Variants in SDK1 observed in about 807,000 individuals in gnomAD.
SDK1 encodes the protein protein sidekick-1.
SDK1 carries 157 observed loss-of-function variants against 245.5 expected under a neutral mutation model. The observed-to-expected ratio is 0.64, with a 90% CI of 0.56 to 0.73. The LOEUF is 0.73. SDK1 is among the 30% of genes least tolerant of loss of function. The probability of loss-of-function intolerance (pLI) is 0.00; values close to 1 mark genes in which losing one functional copy is unlikely to be tolerated. For missense variants in SDK1, 3,583 were observed against 3,002.3 expected (o/e 1.19, Z -4.52); for synonymous variants, 1,647 against 1,278.5 (o/e 1.29, Z -6.15).
chr7:3,494,372 A>G (rs1244270333), intron 1 of SDK1, among the ~76,000 whole-genome samples: 1 of 152,232 alleles, frequency 6.6e-6, no homozygotes, highest in East Asian at 1.9e-4. Flanking sequence ...GTCTTGGGAC[A>G]TTTAGGGTGG....
At chr7:3,335,370 AAAC>A (rs1562421793) in intron 1 of SDK1, among the ~76,000 whole-genome samples, 2 of 151,914 alleles carry the variant, frequency 1.3e-5, no homozygotes, top group Middle Eastern at 3.2e-3. Flanking sequence ...TCTCTATTTA[AAAC>A]AACTGCTTTA....
intron 1 of SDK1, among the ~76,000 whole-genome samples, chr7:3,491,198 G>C (rs541972411): frequency 6.6e-6 from 1 of 152,320 alleles, no homozygotes; most frequent in Non-Finnish European, 1.5e-5. Flanking sequence ...TCTACAGTTA[G>C]GTGCCCTCTA....
At chr7:3,538,399 TTTC>T (rs1237292702) in intron 1 of SDK1, among the ~76,000 whole-genome samples, 1 of 152,180 alleles carries the variant, frequency 6.6e-6, no homozygotes, top group Non-Finnish European at 1.5e-5. Flanking sequence ...CAGGTATAAA[TTTC>T]TTTTCATTAA....
chr7:3,365,985 G>C (rs1781079236), intron 1 of SDK1, among the ~76,000 whole-genome samples: 2 of 151,498 alleles, frequency 1.3e-5, no homozygotes, highest in South Asian at 4.2e-4. Context: ...GTTGCAATGA[G>C]CCGAGATTGT....
intron 1 of SDK1, among the ~76,000 whole-genome samples, chr7:3,453,801 A>G (rs765538133): frequency 9.9e-5 from 15 of 152,102 alleles, no homozygotes; most frequent in Non-Finnish European, 1.3e-4. Flanking sequence ...GGCTGGTCTC[A>G]AGCGATCCTC....
In SDK1 at chr7:3,429,926, G is replaced by A. The variant is rs148750879; in HGVS notation, c.298+128042G>A. 4.6e-3 allele frequency among the ~76,000 whole-genome samples: 698 copies of A among 152,308 alleles called. 1 individual carries two copies. Among genetic ancestry groups the A allele is most frequent in the Admixed American group, 7.3e-3 (111 of 15,306 alleles). ...TATGGAGACACATAGAGATGTGCAT[G>A]TAAAATAGGCCCAAAAGCCTATCCG... On this transcript the variant is annotated intron_variant, in intron 1 of 44. Transcript: ENST00000404826.
chr7:3,708,911 A>C (rs1342195586), intron 4 of SDK1, among the ~76,000 whole-genome samples: 3 of 152,216 alleles, frequency 2.0e-5, no homozygotes, highest in South Asian at 4.1e-4. Flanking sequence ...GTTAATATTT[A>C]AGTGAAGCAC....
intron 13 of SDK1, among the ~76,000 whole-genome samples, chr7:3,983,886 C>T (rs549089548): frequency 1.3e-5 from 2 of 152,206 alleles, no homozygotes; most frequent in Non-Finnish European, 2.9e-5. Context: ...CTTCGGGGGA[C>T]AGTCGCAGAG....
intron 41 of SDK1, among the ~76,000 whole-genome samples, chr7:4,236,012 A>C (rs996478875): frequency 6.6e-6 from 1 of 152,244 alleles, no homozygotes; most frequent in Non-Finnish European, 1.5e-5. Context: ...CGCAGCCCAC[A>C]AACCTACTTC....
intron 4 of SDK1, among the ~76,000 whole-genome samples, chr7:3,665,324 A>T (rs1783492418): frequency 6.6e-6 from 1 of 152,174 alleles, no homozygotes; most frequent in Non-Finnish European, 1.5e-5. Flanking sequence ...GTTTGAGCAG[A>T]TTCTGCAGGT....
chr7:4,217,010 C>G (rs1230982942), intron 38 of SDK1, among the ~76,000 whole-genome samples: 1 of 135,650 alleles, frequency 7.4e-6, no homozygotes, highest in African/African-American at 2.8e-5. Context: ...CCAGGCCACC[C>G]GGAGCACCAC....
chr7:3,680,933 C>A lies in SDK1; in HGVS notation c.713+38828C>A, dbSNP rs559747576. The stretch of plus-strand genomic sequence containing the variant: ...TCTTGGCTCACTGCAACCTCCACCT[C>A]CCGGGTTCAAGCGATTCTCCTGCCT... On this transcript the variant is annotated intron_variant, in intron 4 of 44. Transcript: ENST00000404826. 5.3e-5 allele frequency among the ~76,000 whole-genome samples: 8 copies of A among 152,260 alleles called. No individual in the cohort carries two copies. The South Asian group carries it at 1.7e-3, about 32-fold the overall frequency.
intron 1 of SDK1, among the ~76,000 whole-genome samples, chr7:3,377,124 C>A (rs1008191052): frequency 1.3e-5 from 2 of 152,080 alleles, no homozygotes; most frequent in African/African-American, 4.8e-5. Context: ...GGATTCTGTT[C>A]TGTAGTGGGT....
At position 4,085,348 on chromosome 7, in the gene SDK1, T is replaced by G. The variant is rs188131731; in HGVS notation, c.3324+5764T>G. On this transcript the variant is annotated intron_variant, in intron 22 of 44. Coordinates refer to ENST00000404826, the MANE Select transcript of SDK1 (RefSeq NM_152744.4). ...TACCATGGAAGTGTAATATATTCAG[T>G]TTATACCTACAGTTTATATTCAGTT... Among the ~76,000 whole-genome samples the G allele has an allele frequency of 2.0e-5, 3 of 152,352 alleles. No individual in the cohort carries two copies. The East Asian group carries it at 5.8e-4, about 29-fold the overall frequency.
chr7:3,453,332 G>A (rs1780576075), intron 1 of SDK1, among the ~76,000 whole-genome samples: 1 of 152,130 alleles, frequency 6.6e-6, no homozygotes, highest in Non-Finnish European at 1.5e-5. Context: ...TGCCCTGGTG[G>A]GCCAAATAAT....
rs558861704 is a variant in SDK1, at chr7:4,247,598, C to A, written c.6381+1793C>A. On this transcript the variant is annotated intron_variant, in intron 44 of 44. Transcript: ENST00000404826. ...CTCACAGCGCCGGCCTCGGGCCTGT[C>A]CCTGCTGCCGCTGCCGGGCCGCTGC... Among the ~76,000 whole-genome samples, 22 of 152,362 alleles carry A rather than the reference C, an allele frequency of 1.4e-4. 1 individual carries two copies. The highest frequency in any genetic ancestry group is 1.4e-3 in the Admixed American group (22 of 15,312).
intron 10 of SDK1, among the ~76,000 whole-genome samples, chr7:3,968,674 G>A (rs889144304): frequency 4.6e-5 from 7 of 152,164 alleles, no homozygotes; most frequent in Non-Finnish European, 1.5e-5. Context: ...ATCATAATTT[G>A]TTTAACCAAA....
intron 5 of SDK1, among the ~76,000 whole-genome samples, chr7:3,924,976 C>T (rs1198434048): frequency 1.3e-5 from 2 of 152,174 alleles, no homozygotes; most frequent in East Asian, 3.9e-4. Flanking sequence ...GCTTAAGCCT[C>T]TCCAGGGCTC....
chr7:3,371,113 A>G (rs1402923663), intron 1 of SDK1, among the ~76,000 whole-genome samples: 1 of 152,310 alleles, frequency 6.6e-6, no homozygotes, highest in East Asian at 1.9e-4. Flanking sequence ...TGAGTCTCAG[A>G]GCAGGAAGAG....
Sources: gnomAD v4.1 joint callset for allele counts (sites outside exome capture counted in the v4.1 genomes callset) on GRCh38, gnomAD v4.1.1 for gene constraint, MANE v1.5 for transcripts, NCBI Gene and HGNC (gene_info 2026-07-23, HGNC 2026-07-21) for gene names.